The following PSD3 variants were observed in gnomAD, a reference collection of about 807,000 sequenced individuals.
PSD3 encodes the protein PH and SEC7 domain-containing protein 3.
PSD3 carries 49 observed loss-of-function variants against 105.5 expected under a neutral mutation model. The ratio of observed to expected loss-of-function variants is 0.46; its 90% CI spans 0.37 to 0.59. PSD3 has a LOEUF of 0.59. Among genes scored for constraint, PSD3 ranks in the 20% least tolerant of loss-of-function variants. The probability of loss-of-function intolerance (pLI) is 0.00; values close to 1 mark genes in which losing one functional copy is unlikely to be tolerated. For missense variants in PSD3, 1,561 were observed against 1,263.8 expected (o/e 1.24, Z -3.57); for synonymous variants, 557 against 457.8 (o/e 1.22, Z -2.77).
At chr8:18,822,277 G>A (rs1812807382) in intron 4 of PSD3, among the ~76,000 whole-genome samples, 1 of 152,106 alleles carries the variant, frequency 6.6e-6, no homozygotes, top group Non-Finnish European at 1.5e-5. Flanking sequence ...CTAAGAAGAA[G>A]TATGATGCAT....
chr8:18,858,184 T>C (rs1178697561), intron 4 of PSD3, among the ~76,000 whole-genome samples: 1 of 152,180 alleles, frequency 6.6e-6, no homozygotes, highest in African/African-American at 2.4e-5. Flanking sequence ...ATAGAGCAAG[T>C]GATACAAATT....
chr8:18,918,509 C>G (rs1438460266), intron 2 of PSD3, among the ~76,000 whole-genome samples: 1 of 152,102 alleles, frequency 6.6e-6, no homozygotes, highest in African/African-American at 2.4e-5. Context: ...TACCTCTAGC[C>G]CAGCAACTAC....
At chr8:18,818,684 C>T (rs529806971) in intron 4 of PSD3, among the ~76,000 whole-genome samples, 1 of 100,160 alleles carries the variant, frequency 1.0e-5, no homozygotes, top group Non-Finnish European at 2.2e-5. Context: ...CCTCTCCATA[C>T]CCCCCCCAAC....
intron 2 of PSD3, among the ~76,000 whole-genome samples, chr8:18,921,772 T>C (rs78545025): frequency 0.034 from 5,106 of 152,256 alleles, 114 homozygotes; most frequent in Admixed American, 0.063. Flanking sequence ...ATAAGCCCAG[T>C]GTTCACGGGC....
intron 1 of PSD3, among the ~76,000 whole-genome samples, chr8:18,970,233 G>A (rs1439700158): frequency 3.5e-5 from 5 of 143,952 alleles, no homozygotes; most frequent in Non-Finnish European, 1.5e-5. Context: ...GCTGAGGCAG[G>A]AGAATGGCAT....
rs190889205 is a variant in PSD3, at chr8:18,775,006, C to G, written c.2083-9468G>C. 2.2e-5 allele frequency: 10 copies of G among 455,658 alleles called. No individual in the cohort carries two copies. The East Asian group carries it at 3.5e-4, about 16-fold the overall frequency. The allele number at this position is 455,658 out of a possible 1,614,324, so 28.2% of individuals were successfully genotyped here. ...AACCTTTCAAAACCCTTTCTAAATC[C>G]CCTGTGCCCCTCCTCCTCCTACCTT... On this transcript the variant is annotated intron_variant, in intron 8 of 15. Transcript: ENST00000327040.
intron 1 of PSD3, among the ~76,000 whole-genome samples, chr8:19,003,549 T>A (rs74372672): frequency 0.014 from 2,055 of 152,000 alleles, 52 homozygotes; most frequent in African/African-American, 0.046. Flanking sequence ...TTCTCCCCAT[T>A]GAGTTTCATG....
intron 11 of PSD3, among the ~76,000 whole-genome samples, chr8:18,601,214 T>C (rs1323824666): frequency 1.3e-5 from 2 of 152,232 alleles, no homozygotes; most frequent in African/African-American, 4.8e-5. Flanking sequence ...CTGACTTGTA[T>C]AAACTCTTAC....
At chr8:19,031,933 T>C (rs1460451141) in intron 1 of PSD3, among the ~76,000 whole-genome samples, 4 of 152,178 alleles carry the variant, frequency 2.6e-5, no homozygotes. Flanking sequence ...CATCATAATA[T>C]TTTACTTTGA....
chr8:18,613,063 T>C (rs13269830), intron 11 of PSD3, among the ~76,000 whole-genome samples: 44,171 of 151,842 alleles, frequency 0.29, 6,780 homozygotes, highest in South Asian at 0.46. Context: ...ACCGGAAACG[T>C]GTGTGGGAAG....
intron 4 of PSD3, chr8:18,865,221 A>G (rs1255658308): frequency 1.5e-4 from 14 of 91,158 alleles, no homozygotes; most frequent in African/African-American, 5.5e-4. Flanking sequence ...TACAGATTCT[A>G]TGTTATATAT....
Position 18,750,216 on chromosome 8 carries a change from C to T in PSD3, c.2172+15233G>A, listed in dbSNP as rs1805358924. 1.3e-5 allele frequency among the ~76,000 whole-genome samples: 2 copies of T among 152,318 alleles called. 1 individual carries two copies. The highest frequency in any genetic ancestry group is 3.9e-4 in the East Asian group (2 of 5,164). On this transcript the variant is annotated intron_variant, in intron 9 of 15. Coordinates refer to ENST00000327040, the MANE Select transcript of PSD3 (RefSeq NM_015310.4). ...GGTGGGTTCTTGGTCTCACTGACTT[C>T]AAGAATGAAGCCGCGGACCCTCGCG...
intron 1 of PSD3, among the ~76,000 whole-genome samples, chr8:19,077,672 T>C (rs1829502778): frequency 6.6e-6 from 1 of 152,238 alleles, no homozygotes; most frequent in Non-Finnish European, 1.5e-5. Context: ...ATATACATTT[T>C]ATAGCTTTTG....
rs1799728733 is a variant in PSD3, at chr8:18,533,930, T to TC, written c.*1812_*1813insG. Reference sequence around the variant, plus strand: ...AGAGAGTTAAAAGTGAGGTTTTTTTTTTTACAGGTGTGGCAAAATACTTAT... The same window carrying TC: ...AGAGAGTTAAAAGTGAGGTTTTTTTTCTTTACAGGTGTGGCAAAATACTTAT... On this transcript the variant is annotated 3_prime_UTR_variant, in exon 16 of 16. Coordinates refer to ENST00000327040, the MANE Select transcript of PSD3 (RefSeq NM_015310.4). 6.6e-6 allele frequency: 1 copy of TC among 151,754 alleles called. No individual in the cohort carries two copies. The allele number at this position is 151,754 out of a possible 1,614,324, so 9.4% of individuals were successfully genotyped here. A position where few individuals can be genotyped will look rare whatever the true frequency, so the allele number is the denominator to read the frequency against.
chr8:19,033,861 G>C (rs1466669734), intron 1 of PSD3, among the ~76,000 whole-genome samples: 1 of 151,966 alleles, frequency 6.6e-6, no homozygotes, highest in Non-Finnish European at 1.5e-5. Context: ...ATCATACAAT[G>C]TTGTTAAAGA....
chr8:18,640,384 T>C (rs989930246), intron 10 of PSD3, among the ~76,000 whole-genome samples: 1 of 152,118 alleles, frequency 6.6e-6, no homozygotes, highest in Non-Finnish European at 1.5e-5. Context: ...CCAAATTTCA[T>C]CTTGAATTGT....
chr8:19,019,832 G>T (rs1050394240), intron 1 of PSD3, among the ~76,000 whole-genome samples: 2 of 152,108 alleles, frequency 1.3e-5, no homozygotes, highest in Non-Finnish European at 2.9e-5. Context: ...GGGTGAGAGG[G>T]ATGGGAGACA....
chr8:19,070,632 C>A (rs575790217), intron 1 of PSD3, among the ~76,000 whole-genome samples: 1 of 152,056 alleles, frequency 6.6e-6, no homozygotes, highest in Non-Finnish European at 1.5e-5. Flanking sequence ...GAGCTGAGAT[C>A]GTGCCACTGC....
At chr8:18,948,431 C>A (rs758120758) in intron 1 of PSD3, among the ~76,000 whole-genome samples, 2 of 152,118 alleles carry the variant, frequency 1.3e-5, no homozygotes, top group Non-Finnish European at 1.5e-5. Flanking sequence ...CCAGCATAAT[C>A]AGGATCCCTA....
Sources: allele counts gnomAD v4.1 joint callset (sites outside exome capture counted in the v4.1 genomes callset), GRCh38; gene constraint gnomAD v4.1.1; transcripts MANE v1.5; gene names NCBI Gene and HGNC (gene_info 2026-07-23, HGNC 2026-07-21).